The following NHS variants were observed in gnomAD, a reference collection of about 807,000 sequenced individuals.
The protein encoded by NHS is actin remodeling regulator NHS.
Under a neutral mutation model 72.5 loss-of-function variants are expected in NHS, and 5 were observed. That is an observed-to-expected ratio of 0.07 (90% CI 0.04 to 0.14). The LOEUF is 0.14. Among genes scored for constraint, NHS ranks in the 10% least tolerant of loss-of-function variants. The pLI is 1.00. For missense variants in NHS, 1,072 were observed against 1,355.7 expected (o/e 0.79, Z 3.29); for synonymous variants, 464 against 547.7 (o/e 0.85, Z 2.13).
At chrX:17,690,347 A>G (rs2066188456) in intron 2 of NHS, among the ~76,000 whole-genome samples, 1 of 112,396 alleles carries the variant, frequency 8.9e-6, no homozygotes, top group African/African-American at 3.2e-5. Flanking sequence ...TGCTCAGCAA[A>G]TGCTGCAGTG....
intron 1 of NHS, among the ~76,000 whole-genome samples, chrX:17,470,174 G>T (rs950953775): frequency 2.7e-5 from 3 of 110,243 alleles, no homozygotes; most frequent in Admixed American, 9.7e-5. Flanking sequence ...AACTGAGGGG[G>T]TGAAGCAGCT....
rs999129147 is a variant in NHS at position 17,687,889 on chromosome X, G to A, written c.713G>A (p.Arg238His). The A allele has an allele frequency of 5.8e-6, 7 of 1,210,748 alleles. No individual in the cohort carries two copies. Among genetic ancestry groups the A allele is most frequent in the East Asian group, 5.9e-5 (2 of 33,798 alleles). Residue 238 changes from arginine to histidine, a missense_variant, in exon 2 of 9, where the codon CGC becomes CAC. Coordinates refer to ENST00000676302, the MANE Select transcript of NHS (RefSeq NM_001291867.2). The stretch of plus-strand genomic sequence containing the variant: ...GCCCGGCAGAGCCTGCAAGCCCTGC[G>A]CAGAGGTGACAGATCCTGGGCTTGG... ...RHARQSLQAL[R>H]REHRSRSDRR...
intron 1 of NHS, among the ~76,000 whole-genome samples, chrX:17,626,641 G>A (rs758507257): frequency 1.8e-5 from 2 of 111,615 alleles, no homozygotes; most frequent in African/African-American, 3.3e-5. Context: ...GAAAGATAAG[G>A]CAGGTTTTCT....
At chrX:17,412,059 T>C (rs1017105647) in intron 1 of NHS, among the ~76,000 whole-genome samples, 3 of 110,792 alleles carry the variant, frequency 2.7e-5, no homozygotes, top group Admixed American at 9.6e-5. Context: ...TAAAGAATGA[T>C]GGTAAATGTC....
intron 1 of NHS, among the ~76,000 whole-genome samples, chrX:17,518,993 A>G (rs935523273): frequency 9.0e-5 from 10 of 111,722 alleles, no homozygotes; most frequent in African/African-American, 3.3e-4. Flanking sequence ...ATCTGTCTCT[A>G]TGTCATAGGC....
chrX:17,505,626 T>C (rs1353686275), intron 1 of NHS, among the ~76,000 whole-genome samples: 1 of 105,693 alleles, frequency 9.5e-6, no homozygotes, highest in Non-Finnish European at 1.9e-5. Context: ...CCGGGATCAG[T>C]GTTTTTTTTT....
chrX:17,376,297 G>A lies in NHS; in HGVS notation c.540G>A (p.Thr180=). 1.7e-6 allele frequency: 2 copies of A among 1,156,430 alleles called. No individual in the cohort carries two copies. The highest frequency in any genetic ancestry group is 3.8e-5 in the South Asian group (2 of 52,782). The change falls in exon 1 of 9, where the codon ACG becomes ACA. Residue 180 remains threonine (T), a synonymous_variant. Transcript: ENST00000676302. Reference sequence around the variant, plus strand: ...GCGGCGTGCAGCGCGTCCTCAGCACGCTTGACCCTAAGCAGGAGGCAGTGC... The same window carrying A: ...GCGGCGTGCAGCGCGTCCTCAGCACACTTGACCCTAAGCAGGAGGCAGTGC... The part of the protein sequence containing the change: ...KLGGVQRVLS[T]LDPKQEAVPV...
At chrX:17,377,292 TAGTC>T (rs1378513931) in intron 1 of NHS, among the ~76,000 whole-genome samples, 2 of 112,413 alleles carry the variant, frequency 1.8e-5, no homozygotes, top group East Asian at 2.8e-4. Context: ...TCCCAATAAA[TAGTC>T]ATTCTATGTC....
intron 1 of NHS, among the ~76,000 whole-genome samples, chrX:17,672,935 A>G (rs2066056557): frequency 3.6e-5 from 4 of 111,108 alleles, no homozygotes. Flanking sequence ...GAATGAACCA[A>G]CTGGGCCTTG....
At chrX:17,536,683 A>G (rs1410571421) in intron 1 of NHS, among the ~76,000 whole-genome samples, 1 of 112,565 alleles carries the variant, frequency 8.9e-6, no homozygotes, top group Non-Finnish European at 1.9e-5. Context: ...CTTTTTCTTT[A>G]AGAAAATCTA....
intron 3 of NHS, among the ~76,000 whole-genome samples, chrX:17,697,365 G>A (rs970885034): frequency 5.4e-5 from 6 of 111,778 alleles, no homozygotes; most frequent in African/African-American, 2.0e-4. Context: ...CATTAAACTA[G>A]GGATCTTGTG....
chrX:17,656,038 A>G (rs1303740703), intron 1 of NHS, among the ~76,000 whole-genome samples: 3 of 113,315 alleles, frequency 2.6e-5, no homozygotes, highest in Non-Finnish European at 3.7e-5. Flanking sequence ...AATGCGCTGG[A>G]AAGTCCCCGA....
intron 1 of NHS, among the ~76,000 whole-genome samples, chrX:17,570,357 T>C (rs1446681395): frequency 2.7e-5 from 3 of 112,213 alleles, no homozygotes; most frequent in Non-Finnish European, 5.6e-5. Context: ...AGCAGTGGTT[T>C]GTAGTTCTCA....
At chrX:17,493,278 A>G (rs1209489079) in intron 1 of NHS, among the ~76,000 whole-genome samples, 1 of 111,785 alleles carries the variant, frequency 8.9e-6, no homozygotes, top group African/African-American at 3.3e-5. Flanking sequence ...CTGATGGCTT[A>G]ATTTAGAAAG....
intron 1 of NHS, among the ~76,000 whole-genome samples, chrX:17,655,810 A>G (rs1230588853): frequency 8.9e-6 from 1 of 112,920 alleles, no homozygotes; most frequent in Non-Finnish European, 1.9e-5. Context: ...GCATTGAAGC[A>G]GTGGAGGGGC....
At chrX:17,390,784 T>A (rs763271936) in intron 1 of NHS, among the ~76,000 whole-genome samples, 2 of 112,539 alleles carry the variant, frequency 1.8e-5, no homozygotes, top group South Asian at 7.4e-4. Context: ...AAGAAAAATA[T>A]ATTGCGTAAG....
At chrX:17,382,156 G>A (rs906503110) in intron 1 of NHS, among the ~76,000 whole-genome samples, 3 of 111,105 alleles carry the variant, frequency 2.7e-5, no homozygotes, top group Non-Finnish European at 5.7e-5. Context: ...TACATGTGCG[G>A]GCTTGATATA....
rs186998982 is a variant in NHS at position 17,597,096 on chromosome X, G to C, written c.566-90646G>C. On this transcript the variant is annotated intron_variant, in intron 1 of 8. Transcript: ENST00000676302. ...GCCAGTGTGTCATACACGGCTTCAG[G>C]AACTTAAGACTATTCTTCCGTTTTT... is the stretch of plus-strand genomic sequence containing the variant. Among the ~76,000 whole-genome samples, 8 of 106,115 alleles carry C rather than the reference G, an allele frequency of 7.5e-5. No homozygotes were observed. In the East Asian group the frequency reaches 2.3e-3, roughly 31 times the overall value. The allele number at this position is 106,115 out of a possible 115,157, so 92.1% of individuals were successfully genotyped here.
At chrX:17,506,013 C>T (rs1268735579) in intron 1 of NHS, among the ~76,000 whole-genome samples, 1 of 111,858 alleles carries the variant, frequency 8.9e-6, no homozygotes, top group Admixed American at 9.5e-5. Flanking sequence ...TTAATTCTCA[C>T]ACCCAGCATC....
Sources: gnomAD v4.1 joint callset for allele counts (sites outside exome capture counted in the v4.1 genomes callset) on GRCh38, gnomAD v4.1.1 for gene constraint, MANE v1.5 for transcripts, NCBI Gene and HGNC (gene_info 2026-07-23, HGNC 2026-07-21) for gene names.